The following TUSC3 variants were observed in gnomAD, a reference collection of about 807,000 sequenced individuals.
The protein encoded by TUSC3 is tumor suppressor candidate 3, also known as dolichyl-diphosphooligosaccharide--protein glycosyltransferase subunit TUSC3.
A neutral mutation model predicts 44.8 loss-of-function variants in TUSC3; 45 were observed. The observed-to-expected ratio is 1.00, with a 90% confidence interval of 0.79 to 1.29. The LOEUF is 1.29. TUSC3 is among the 50% of genes most tolerant of loss of function. The probability of loss-of-function intolerance (pLI) is 0.00; values close to 1 mark genes in which losing one functional copy is unlikely to be tolerated. For missense variants in TUSC3, 519 were observed against 437.9 expected (o/e 1.19, Z -1.65); for synonymous variants, 212 against 152.9 (o/e 1.39, Z -2.85).
At chr8:15,777,686 A>G in the TUSC3 span, among the ~76,000 whole-genome samples, 1 of 152,206 alleles carries the variant, frequency 6.6e-6, no homozygotes, top group African/African-American at 2.4e-5. Context: ...TACACTTTAT[A>G]AATGTCTAAG....
chr8:15,662,105 GAAA>G, intron 4 of TUSC3, 48 bp from the exon 5 acceptor site: 1 of 1,594,082 alleles, frequency 6.3e-7, no homozygotes, highest in Non-Finnish European at 8.6e-7. Flanking sequence ...ATGATCAAAA[GAAA>G]AATTTTATTT....
At chr8:15,560,534 A>C (rs1031532903) in intron 1 of TUSC3, among the ~76,000 whole-genome samples, 2 of 148,606 alleles carry the variant, frequency 1.3e-5, no homozygotes, top group African/African-American at 4.9e-5. Flanking sequence ...GTGTTTCCTG[A>C]ATCTGAACGT....
At chr8:15,689,336 C>T in intron 6 of TUSC3, 1 of 270,006 alleles carries the variant, frequency 3.7e-6, no homozygotes, top group Non-Finnish European at 7.4e-6. Flanking sequence ...ACTCCGTCAA[C>T]AGCATCTGGA....
At chr8:15,578,591 GGCTCTGTTTATAT>G (rs1485617648) in intron 1 of TUSC3, among the ~76,000 whole-genome samples, 1 of 147,384 alleles carries the variant, frequency 6.8e-6, no homozygotes, top group Admixed American at 6.8e-5. Flanking sequence ...TTTTGTCTTT[GGCTCTGTTTATAT>G]GCTGGATTAC....
At chr8:15,594,995 C>A (rs908578948) in intron 1 of TUSC3, among the ~76,000 whole-genome samples, 1 of 152,030 alleles carries the variant, frequency 6.6e-6, no homozygotes, top group African/African-American at 2.4e-5. Flanking sequence ...TACTTCGGGG[C>A]AATATGATAC....
chr8:15,826,200 C>A, the TUSC3 span, among the ~76,000 whole-genome samples: 515 of 152,124 alleles, frequency 3.4e-3, 3 homozygotes, highest in African/African-American at 0.012. Context: ...GAATGTAATT[C>A]TAGGAGATGG....
chr8:15,669,594 C>G (rs967970510), intron 5 of TUSC3, among the ~76,000 whole-genome samples: 1 of 151,642 alleles, frequency 6.6e-6, no homozygotes, highest in African/African-American at 2.4e-5. Context: ...CAGTGTAATT[C>G]TCTGTGCTAA....
rs142114920 is a variant in TUSC3 at position 15,441,233 on chromosome 8, C to G, written n.91+23928C>G. The stretch of plus-strand genomic sequence containing the variant: ...ACCAGTCTTGTCAACATGACGAAAC[C>G]CCGTCTCTACTGAAAATACAAAAAT... On this transcript the variant is annotated intron_variant and non_coding_transcript_variant, in intron 1 of 5. Coordinates refer to the TUSC3 transcript ENST00000503191. 7.2e-3 allele frequency among the ~76,000 whole-genome samples: 1,096 copies of G among 152,202 alleles called. 13 individuals carry two copies. Among genetic ancestry groups the G allele is most frequent in the African/African-American group, 0.025 (1,028 of 41,520 alleles).
intron 1 of TUSC3, among the ~76,000 whole-genome samples, chr8:15,547,997 T>A (rs911848200): frequency 1.3e-5 from 2 of 151,764 alleles, no homozygotes; most frequent in African/African-American, 4.8e-5. Flanking sequence ...TATTTATTTT[T>A]AATTGTTTTT....
intron 2 of TUSC3, among the ~76,000 whole-genome samples, chr8:15,626,561 G>A (rs1261614099): frequency 6.6e-6 from 1 of 152,200 alleles, no homozygotes; most frequent in Non-Finnish European, 1.5e-5. Flanking sequence ...AGCTGCAACT[G>A]TCCACCTGCG....
intron 1 of TUSC3, among the ~76,000 whole-genome samples, chr8:15,428,346 C>T (rs74874878): frequency 2.6e-5 from 4 of 151,990 alleles, no homozygotes; most frequent in Non-Finnish European, 5.9e-5. Flanking sequence ...ATATGTGCCA[C>T]ATTTTCTTAA....
intron 1 of TUSC3, among the ~76,000 whole-genome samples, chr8:15,607,992 A>G (rs947932928): frequency 1.3e-5 from 2 of 152,220 alleles, no homozygotes; most frequent in East Asian, 3.8e-4. Context: ...GCAGTGATAC[A>G]GCAAGTGCAG....
chr8:15,843,091 C>G, the TUSC3 span, among the ~76,000 whole-genome samples: 2 of 152,290 alleles, frequency 1.3e-5, no homozygotes, highest in East Asian at 3.9e-4. Context: ...ATAACACATT[C>G]ACTGCAAAAT....
At chr8:15,820,566 C>T in the TUSC3 span, among the ~76,000 whole-genome samples, 235 of 152,252 alleles carry the variant, frequency 1.5e-3, no homozygotes, top group African/African-American at 5.5e-3. Context: ...GATCGGCCCA[C>T]CTCAGCCTCC....
chr8:15,470,292 G>A (rs1330241064), intron 1 of TUSC3, among the ~76,000 whole-genome samples: 1 of 151,650 alleles, frequency 6.6e-6, no homozygotes, highest in Admixed American at 6.6e-5. Flanking sequence ...GTTGCCAAGG[G>A]TTCAAGGAGG....
chr8:15,456,557 GA>G (rs951164012), intron 1 of TUSC3, among the ~76,000 whole-genome samples: 13 of 151,830 alleles, frequency 8.6e-5, no homozygotes, highest in South Asian at 4.2e-4. Context: ...TATTAGGGTA[GA>G]AAAAAAATTA....
rs143562873 is a variant in TUSC3 at position 15,737,075 on chromosome 8, CATTT to C, written c.862+6350_862+6353del. The stretch of plus-strand genomic sequence containing the variant: ...TTTTCTGTGAGCAAAACATTTTTTC[CATTT>C]ATTATGAAAGAATATGATTTTATTC... On this transcript the variant is annotated intron_variant, in intron 7 of 10. Transcript: ENST00000503731. 7.6e-3 allele frequency among the ~76,000 whole-genome samples: 1,152 copies of C among 151,910 alleles called. 20 individuals are homozygous for C. The highest frequency in any genetic ancestry group is 0.026 in the African/African-American group (1,098 of 41,470).
In TUSC3 at chr8:15,581,579, G is replaced by A. The variant is rs1803340282; in HGVS notation, c.138+41011G>A. Among the ~76,000 whole-genome samples the A allele has an allele frequency of 2.0e-5, 3 of 149,204 alleles. No individual in the cohort carries two copies. In the South Asian group the frequency reaches 6.5e-4, roughly 32 times the overall value. ...CAGGTCTGTTGGAATACCCTGCAGT[G>A]TGAGGTGTCAGTGTGCCCCTGCTGC... On this transcript the variant is annotated intron_variant, in intron 1 of 10. Transcript: ENST00000503731.
At chr8:15,573,377 C>T (rs1802965941) in intron 1 of TUSC3, among the ~76,000 whole-genome samples, 1 of 151,620 alleles carries the variant, frequency 6.6e-6, no homozygotes, top group Non-Finnish European at 1.5e-5. Flanking sequence ...TTGTGTCAGG[C>T]AGTTAAGCTG....
Sources: allele counts gnomAD v4.1 joint callset (sites outside exome capture counted in the v4.1 genomes callset), GRCh38; gene constraint gnomAD v4.1.1; transcripts MANE v1.5; gene names NCBI Gene and HGNC (gene_info 2026-07-23, HGNC 2026-07-21).